The following STPG2 variants were observed in gnomAD, a reference collection of about 807,000 sequenced individuals.
STPG2 encodes the protein sperm-tail PG-rich repeat-containing protein 2.
A neutral mutation model predicts 54.2 loss-of-function variants in STPG2; 56 were observed. That is an observed-to-expected ratio of 1.03 (90% confidence interval 0.83 to 1.29). The LOEUF is 1.29. STPG2 is among the 50% of genes most tolerant of loss of function. The pLI is 0.00. For synonymous variants in STPG2, 200 were observed against 181.8 expected (o/e 1.10, Z -0.81); for missense variants, 596 against 544.9 (o/e 1.09, Z -0.93).
intron 5 of STPG2, among the ~76,000 whole-genome samples, chr4:98,038,878 TAGAAAC>T (rs1394568739): frequency 6.6e-6 from 1 of 151,602 alleles, no homozygotes; most frequent in Non-Finnish European, 1.5e-5. Context: ...GAAGAGGAAA[TAGAAAC>T]AGCAAATAAA....
chr4:97,774,457 C>T (rs906143260), intron 9 of STPG2, among the ~76,000 whole-genome samples: 10 of 152,154 alleles, frequency 6.6e-5, no homozygotes, highest in Non-Finnish European at 1.5e-4. Context: ...GACCACAACT[C>T]GGTTGTACCA....
chr4:98,026,584 A>C (rs1736428763), intron 5 of STPG2, among the ~76,000 whole-genome samples: 1 of 152,154 alleles, frequency 6.6e-6, no homozygotes, highest in South Asian at 2.1e-4. Flanking sequence ...TGAGTTTCTC[A>C]GGAACCCTCA....
At chr4:97,651,175 T>C (rs975238592) in intron 10 of STPG2, among the ~76,000 whole-genome samples, 1 of 152,148 alleles carries the variant, frequency 6.6e-6, no homozygotes, top group East Asian at 1.9e-4. Context: ...ACCCTGCATA[T>C]CAATAAGTTT....
At chr4:97,925,319 C>A (rs1204423988) in intron 8 of STPG2, among the ~76,000 whole-genome samples, 3 of 152,196 alleles carry the variant, frequency 2.0e-5, no homozygotes, top group African/African-American at 7.2e-5. Context: ...TGGCAACTAT[C>A]AGCACTTATT....
At chr4:97,883,166 T>A (rs148834958) in intron 8 of STPG2, among the ~76,000 whole-genome samples, 20 of 150,950 alleles carry the variant, frequency 1.3e-4, no homozygotes, top group African/African-American at 4.9e-4. Flanking sequence ...GAAATATATA[T>A]ATATACACAT....
chr4:98,050,389 A>G (rs924156934), intron 5 of STPG2, among the ~76,000 whole-genome samples: 1 of 150,718 alleles, frequency 6.6e-6, no homozygotes, highest in African/African-American at 2.5e-5. Context: ...AGGATTCATG[A>G]TAATAGTCTC....
chr4:98,033,101 T>A, intron 5 of STPG2, among the ~76,000 whole-genome samples: 1 of 144,278 alleles, frequency 6.9e-6, no homozygotes, highest in Admixed American at 6.9e-5. Context: ...AGAGCAGAAC[T>A]GAAGAAGATA....
chr4:97,807,188 C>T (rs940452459), intron 9 of STPG2, among the ~76,000 whole-genome samples: 1 of 150,750 alleles, frequency 6.6e-6, no homozygotes, highest in Non-Finnish European at 1.5e-5. Context: ...TAATATAATT[C>T]AGATTTTCAC....
chr4:98,022,065 G>A (rs1736225300), intron 5 of STPG2, among the ~76,000 whole-genome samples: 1 of 151,954 alleles, frequency 6.6e-6, no homozygotes, highest in South Asian at 2.1e-4. Context: ...TCATTATGAT[G>A]TTAGCTGGTT....
chr4:97,807,314 T>C (rs998953816), intron 9 of STPG2, among the ~76,000 whole-genome samples: 1 of 152,000 alleles, frequency 6.6e-6, no homozygotes, highest in African/African-American at 2.4e-5. Flanking sequence ...CTATTTTCTG[T>C]TTTTGCCTTT....
At chr4:97,940,157 TGA>T (rs35608059) in intron 8 of STPG2, among the ~76,000 whole-genome samples, 39,827 of 152,040 alleles carry the variant, frequency 0.26, 5,665 homozygotes, top group Middle Eastern at 0.36. Context: ...GGGTTTCAGC[TGA>T]GAGTCGGCTG....
chr4:97,476,330 C>A (rs114592960), intron 4 of STPG2, among the ~76,000 whole-genome samples: 2,468 of 152,086 alleles, frequency 0.016, 64 homozygotes, highest in African/African-American at 0.057. Flanking sequence ...CTTTCATAAT[C>A]AAAATTTTCT....
intron 5 of STPG2, among the ~76,000 whole-genome samples, chr4:98,101,708 T>C (rs2110136700): frequency 6.6e-6 from 1 of 152,262 alleles, no homozygotes; most frequent in South Asian, 2.1e-4. Context: ...TAATCTCCAA[T>C]TCAGCTACCT....
chr4:97,838,761 A>G (rs1411245890), intron 9 of STPG2, among the ~76,000 whole-genome samples: 1 of 151,590 alleles, frequency 6.6e-6, no homozygotes, highest in Non-Finnish European at 1.5e-5. Flanking sequence ...GATTAAATTT[A>G]AAAGGATAAT....
At chr4:98,031,685 CA>C (rs1416526940) in intron 5 of STPG2, among the ~76,000 whole-genome samples, 1 of 150,636 alleles carries the variant, frequency 6.6e-6, no homozygotes, top group South Asian at 2.1e-4. Context: ...AACTCTGTCT[CA>C]AAAAAAATAA....
At chr4:97,596,968 A>G (rs1733311427) in intron 10 of STPG2, among the ~76,000 whole-genome samples, 1 of 152,102 alleles carries the variant, frequency 6.6e-6, no homozygotes. Flanking sequence ...AGATCAATAC[A>G]TCCAAGAGTT....
intron 10 of STPG2, among the ~76,000 whole-genome samples, chr4:97,614,297 GA>G (rs1333040488): frequency 1.1e-5 from 1 of 94,316 alleles, no homozygotes; most frequent in African/African-American, 4.0e-5. Context: ...CCTCTAAAGA[GA>G]TTTTTTTTTT....
At chr4:97,938,567 G>C (rs1732849928) in intron 8 of STPG2, among the ~76,000 whole-genome samples, 6 of 152,104 alleles carry the variant, frequency 3.9e-5, no homozygotes, top group Admixed American at 3.9e-4. Context: ...ACAGCTCTGT[G>C]GTTGTGACCT....
intron 8 of STPG2, among the ~76,000 whole-genome samples, chr4:97,903,108 T>G (rs1265877061): frequency 6.6e-6 from 1 of 152,122 alleles, no homozygotes; most frequent in Non-Finnish European, 1.5e-5. Flanking sequence ...AAACTCGAAG[T>G]TACAAAATGA....
Sources: allele counts gnomAD v4.1 joint callset (sites outside exome capture counted in the v4.1 genomes callset), GRCh38; gene constraint gnomAD v4.1.1; transcripts MANE v1.5; gene names NCBI Gene and HGNC (gene_info 2026-07-23, HGNC 2026-07-21).